PHF11: variants seen among roughly 807,000 people sequenced by gnomAD.
PHF11 encodes BRCA1 C-terminus-associated protein.
Under a neutral mutation model 40.5 loss-of-function variants are expected in PHF11, and 38 were observed. The observed-to-expected ratio is 0.94, with a 90% CI of 0.72 to 1.23. The LOEUF is 1.23. PHF11 is among the 50% of genes most tolerant of loss of function. The probability of loss-of-function intolerance (pLI) is 0.00; values close to 1 mark genes in which losing one functional copy is unlikely to be tolerated. For missense variants in PHF11, 369 were observed against 392.4 expected, an observed-to-expected ratio of 0.94 and a Z score of 0.50; for synonymous variants, 127 against 138.2, an observed-to-expected ratio of 0.92 and a Z score of 0.57.
At chr13:49,521,107 A>C (rs916594953) in intron 5 of PHF11, 167 bp downstream of exon 5, 22 of 1,310,426 alleles carry the variant, frequency 1.7e-5, no homozygotes, top group African/African-American at 3.0e-5. Context: ...ATGTGATATG[A>C]CTGACTAATT....
chr13:49,496,207 C>G (rs1958803803), intron 1 of PHF11, 112 bp downstream of exon 1: 6 of 701,540 alleles, frequency 8.6e-6, no homozygotes, highest in Non-Finnish European at 1.2e-5. Flanking sequence ...TGCCCCTACT[C>G]CGGGCCGGGG....
At chr13:49,499,415 C>T (rs761295369) in intron 1 of PHF11, among the ~76,000 whole-genome samples, 11 of 152,170 alleles carry the variant, frequency 7.2e-5, no homozygotes, top group Non-Finnish European at 7.4e-5. Context: ...CCCCATGGTC[C>T]CTCCTCTATA....
intron 1 of PHF11, among the ~76,000 whole-genome samples, chr13:49,504,755 G>A (rs1449707065): frequency 2.6e-5 from 4 of 151,946 alleles, no homozygotes; most frequent in South Asian, 2.1e-4. Context: ...TGACAATCGC[G>A]GCTTTGTGGA....
chr13:49,512,938 T>G (rs1959097820), intron 2 of PHF11, 121 bp from the exon 3 acceptor site: 1 of 599,412 alleles, frequency 1.7e-6, no homozygotes, highest in East Asian at 2.9e-5. Context: ...AAGTTGCCAC[T>G]GTTTTACCCC....
In PHF11 at chr13:49,515,715, G is replaced by T. The variant is rs987056117; in HGVS notation, c.325-2303G>T. 2.0e-5 allele frequency among the ~76,000 whole-genome samples: 3 copies of T among 152,022 alleles called. No individual in the cohort carries two copies. The South Asian group carries it at 6.2e-4, about 32-fold the overall frequency. On this transcript the variant is annotated intron_variant, in intron 3 of 9. Coordinates refer to ENST00000378319, the MANE Select transcript of PHF11 (RefSeq NM_001040443.3). ...AGTCACCCATCTTGTTCTCTAAAGC[G>T]AGTACTGACACTCGCCCGACTGTCT...
intron 1 of PHF11, among the ~76,000 whole-genome samples, chr13:49,505,072 C>T (rs1297449461): frequency 6.9e-6 from 1 of 144,658 alleles, no homozygotes; most frequent in Non-Finnish European, 1.5e-5. Flanking sequence ...GGGACACAAA[C>T]ACTGTGAGAA....
chr13:49,511,957 G>T (rs1020973837), intron 2 of PHF11, among the ~76,000 whole-genome samples: 1 of 152,176 alleles, frequency 6.6e-6, no homozygotes, highest in Non-Finnish European at 1.5e-5. Context: ...TAGAATTACT[G>T]AGTCATAAAG....
At chr13:49,509,675 T>G (rs1959057649) in intron 2 of PHF11, among the ~76,000 whole-genome samples, 1 of 152,144 alleles carries the variant, frequency 6.6e-6, no homozygotes, top group Admixed American at 6.5e-5. Flanking sequence ...ATAGTGATAG[T>G]GAATAAATCT....
chr13:49,516,495 G>A (rs1959157408), intron 3 of PHF11, among the ~76,000 whole-genome samples: 1 of 148,706 alleles, frequency 6.7e-6, no homozygotes, highest in East Asian at 2.0e-4. Context: ...TATCTAGTAT[G>A]CTACAAACAT....
chr13:49,516,220 G>A (rs188052297), intron 3 of PHF11, among the ~76,000 whole-genome samples: 4 of 152,100 alleles, frequency 2.6e-5, no homozygotes, highest in Admixed American at 1.3e-4. Flanking sequence ...TTTGTGAGAC[G>A]TTTTAAACTT....
intron 6 of PHF11, among the ~76,000 whole-genome samples, chr13:49,522,773 T>G (rs914228780): frequency 2.7e-5 from 4 of 149,140 alleles, no homozygotes; most frequent in Non-Finnish European, 6.0e-5. Context: ...TTTTGTTTTT[T>G]TTTTTTTTTG....
intron 4 of PHF11, chr13:49,518,714 A>C (rs1486531129): frequency 6.6e-6 from 1 of 152,280 alleles, no homozygotes; most frequent in Non-Finnish European, 1.5e-5. Flanking sequence ...GGTCAGTGGC[A>C]GAGCTGGGCT....
intron 2 of PHF11, among the ~76,000 whole-genome samples, chr13:49,510,494 C>T (rs1483344509): frequency 2.0e-5 from 3 of 151,936 alleles, no homozygotes; most frequent in Non-Finnish European, 4.4e-5. Flanking sequence ...TTTATTTTTA[C>T]TTATTTATTT....
chr13:49,498,619 G>A (rs985531796), intron 1 of PHF11, among the ~76,000 whole-genome samples: 1 of 151,680 alleles, frequency 6.6e-6, no homozygotes, highest in African/African-American at 2.4e-5. Context: ...GTAGCATAGT[G>A]CATTTCAGGT....
chr13:49,520,809 T>A (rs1037238076), intron 4 of PHF11, 85 bp from the exon 5 acceptor site: 8 of 929,166 alleles, frequency 8.6e-6, no homozygotes, highest in Non-Finnish European at 1.3e-5. Context: ...AGTAGGTTGG[T>A]ACGTTTTTAA....
chr13:49,518,991 A>T (rs1437417129), intron 4 of PHF11, among the ~76,000 whole-genome samples: 2 of 151,314 alleles, frequency 1.3e-5, no homozygotes, highest in Non-Finnish European at 2.9e-5. Flanking sequence ...GCCCGCTACC[A>T]CGCCCGGCTA....
chr13:49,509,968 G>A (rs1308327911), intron 2 of PHF11, among the ~76,000 whole-genome samples: 1 of 152,034 alleles, frequency 6.6e-6, no homozygotes, highest in African/African-American at 2.4e-5. Flanking sequence ...TACTACTACC[G>A]TCTATTCCTC....
chr13:49,515,209 AC>A (rs1959135732), intron 3 of PHF11, among the ~76,000 whole-genome samples: 6 of 151,846 alleles, frequency 4.0e-5, no homozygotes, highest in Admixed American at 3.3e-4. Context: ...GGTAATAGTT[AC>A]CCTCTCACAG....
At chr13:49,520,833 C>A in intron 4 of PHF11, 61 bp from the exon 5 acceptor site, 1 of 1,155,968 alleles carries the variant, frequency 8.7e-7, no homozygotes, top group Non-Finnish European at 1.2e-6. Flanking sequence ...CAAAAATAGA[C>A]ATAATATTTG....
Sources: allele counts gnomAD v4.1 joint callset (sites outside exome capture counted in the v4.1 genomes callset), GRCh38; gene constraint gnomAD v4.1.1; transcripts MANE v1.5; gene names NCBI Gene and HGNC (gene_info 2026-07-23, HGNC 2026-07-21).